The following DYSF variants were observed in gnomAD, a reference collection of about 807,000 sequenced individuals.
DYSF encodes the protein dysferlin.
In DYSF, 212 loss-of-function variants were observed where a neutral mutation model predicts 274.9. The observed-to-expected ratio is 0.77, with a 90% CI of 0.69 to 0.86. DYSF has a LOEUF of 0.86. DYSF is among the 40% of genes least tolerant of loss of function. The pLI is 0.00. For synonymous variants in DYSF, 1,091 were observed against 1,078.7 expected, an observed-to-expected ratio of 1.01 and a Z score of -0.22; for missense variants, 2,666 against 2,783.2, an observed-to-expected ratio of 0.96 and a Z score of 0.95.
At chr2:71,526,408 G>GT in intron 13 of DYSF, 62 bp downstream of exon 13, 1 of 1,530,228 alleles carries the variant, frequency 6.5e-7, no homozygotes, top group Admixed American at 1.8e-5. Flanking sequence ...GGGCTGGTGG[G>GT]GGTGGGCGAT....
At position 71,564,210 on chromosome 2, in the gene DYSF, G is replaced by C. The variant is rs763143515; in HGVS notation, c.2562G>C (p.Leu854=). 4 of 1,614,270 alleles carry C rather than the reference G, an allele frequency of 2.5e-6. No homozygotes were observed. In the Admixed American group the frequency reaches 6.7e-5, roughly 27 times the overall value. The change falls in exon 24 of 56, where the codon CTG becomes CTC. Residue 854 remains leucine, a synonymous_variant. Transcript: ENST00000410020. ...KNCGKLQTIF[L]KYPMEKVPGA... is the part of the protein sequence containing the mutation. ...GTGGGAAGCTACAGACAATCTTTCT[G>C]AAAGTGAGTTTTCTTTTTTCCCAAG... is the stretch of plus-strand genomic sequence containing the variant.
chr2:71,532,323 G>T (rs1045449141), intron 14 of DYSF, among the ~76,000 whole-genome samples: 1 of 152,152 alleles, frequency 6.6e-6, no homozygotes, highest in African/African-American at 2.4e-5. Context: ...AAGCCAGGGG[G>T]CTTATTTTTA....
intron 1 of DYSF, among the ~76,000 whole-genome samples, chr2:71,455,101 G>A (rs561037788): frequency 6.6e-6 from 1 of 152,286 alleles, no homozygotes; most frequent in Admixed American, 6.5e-5. Flanking sequence ...ATTCAGCACA[G>A]TTTCACAAGC....
intron 30 of DYSF, among the ~76,000 whole-genome samples, chr2:71,585,061 C>T (rs182578420): frequency 3.3e-5 from 5 of 152,340 alleles, no homozygotes; most frequent in Non-Finnish European, 5.9e-5. Context: ...CTCTACAGGG[C>T]ACAGTTTCCC....
chr2:71,512,323 C>T (rs1216639480), intron 5 of DYSF, among the ~76,000 whole-genome samples: 3 of 152,214 alleles, frequency 2.0e-5, no homozygotes, highest in East Asian at 1.9e-4. Flanking sequence ...ACCTCAGCAC[C>T]CAGCAGGCCT....
chr2:71,678,551 T>G (rs2095255256), intron 52 of DYSF, among the ~76,000 whole-genome samples: 1 of 152,138 alleles, frequency 6.6e-6, no homozygotes, highest in Non-Finnish European at 1.5e-5. Context: ...GGGGAGTTAT[T>G]GCTTAATGGG....
chr2:71,628,641 A>T (rs1049999588), intron 41 of DYSF, among the ~76,000 whole-genome samples: 14 of 152,144 alleles, frequency 9.2e-5, no homozygotes, highest in Non-Finnish European at 1.3e-4. Flanking sequence ...ACTTAAAAAA[A>T]TTTTATTTTA....
chr2:71,550,433 T>A (rs1450444942), intron 17 of DYSF, among the ~76,000 whole-genome samples: 1 of 151,664 alleles, frequency 6.6e-6, no homozygotes. Flanking sequence ...GAGGAGATTC[T>A]GGGATAAGGC....
rs762970358 is a variant in DYSF, at chr2:71,620,576, C to T, written c.4494C>T (p.Pro1498=). 6.4e-6 allele frequency: 10 copies of T among 1,551,474 alleles called. No homozygotes were observed. The African/African-American group carries it at 9.6e-5, about 15-fold the overall frequency. The change falls in exon 41 of 56, where the codon CCC becomes CCT. Residue 1498 remains proline (P), a synonymous_variant. Coordinates refer to ENST00000410020, the MANE Select transcript of DYSF (RefSeq NM_001130987.2). ...CAGACGGTCTGTCGAGCTTGGCCCC[C>T]ACTAACACGGCTTCTCCTCCATCCA... is the stretch of plus-strand genomic sequence containing the variant. ...QLADGLSSLA[P]TNTASPPSSP...
intron 30 of DYSF, among the ~76,000 whole-genome samples, chr2:71,577,604 A>G (rs537957343): frequency 6.6e-6 from 1 of 151,632 alleles, no homozygotes; most frequent in African/African-American, 2.4e-5. Flanking sequence ...ACCAACACAT[A>G]GACACACACA....
At chr2:71,616,311 G>A (rs1020660210) in intron 40 of DYSF, among the ~76,000 whole-genome samples, 1 of 152,152 alleles carries the variant, frequency 6.6e-6, no homozygotes, top group Non-Finnish European at 1.5e-5. Flanking sequence ...GCCCTGTTTA[G>A]GGGGTGCCTG....
At chr2:71,506,955 T>C (rs1350340237) in intron 4 of DYSF, among the ~76,000 whole-genome samples, 2 of 152,076 alleles carry the variant, frequency 1.3e-5, no homozygotes, top group East Asian at 1.9e-4. Context: ...ACCCGGATGG[T>C]GCCAGTTCTT....
In DYSF at chr2:71,630,313, A is replaced by C. The variant is rs534530509; in HGVS notation, c.4527+9704A>C. The stretch of plus-strand genomic sequence containing the variant: ...ATGTGGGGCTATTCTTCTGGGCTGA[A>C]GAGTTTATTTCCTATGTTTGTTATG... On this transcript the variant is annotated intron_variant, in intron 41 of 55. Coordinates refer to ENST00000410020, the MANE Select transcript of DYSF (RefSeq NM_001130987.2). 3.3e-5 allele frequency among the ~76,000 whole-genome samples: 5 copies of C among 152,344 alleles called. No homozygotes were observed. In the East Asian group the frequency reaches 9.7e-4, roughly 29 times the overall value.
chr2:71,652,792 A>G (rs942746108), intron 42 of DYSF, among the ~76,000 whole-genome samples: 1 of 152,240 alleles, frequency 6.6e-6, no homozygotes, highest in African/African-American at 2.4e-5. Flanking sequence ...GAAAAAACGC[A>G]CAGATCAATA....
chr2:71,619,839 G>C (rs530214113), intron 40 of DYSF, among the ~76,000 whole-genome samples: 1 of 152,234 alleles, frequency 6.6e-6, no homozygotes, highest in Non-Finnish European at 1.5e-5. Context: ...AAGTCTTCCT[G>C]CCTTCAGCCC....
intron 3 of DYSF, among the ~76,000 whole-genome samples, chr2:71,494,418 C>T (rs1343099604): frequency 1.3e-5 from 2 of 152,210 alleles, no homozygotes; most frequent in African/African-American, 4.8e-5. Flanking sequence ...TTTTCTCCCC[C>T]TTGAAGTTTG....
intron 1 of DYSF, among the ~76,000 whole-genome samples, chr2:71,477,941 A>T (rs2082526930): frequency 6.6e-6 from 1 of 152,136 alleles, no homozygotes; most frequent in African/African-American, 2.4e-5. Context: ...GAGTCTCAGC[A>T]GTTTGAATGC....
rs1386290894 is a variant in DYSF, at chr2:71,517,002, G to A, written c.965G>A (p.Arg322His). Residue 322 changes from arginine (R) to histidine (H), a missense_variant, in exon 10 of 56, where the codon CGT (arginine) becomes CAT (histidine). Physicochemically the swap from Arg to His is conservative, Grantham distance 29. Coordinates refer to ENST00000410020, the MANE Select transcript of DYSF (RefSeq NM_001130987.2). ...EPIFITVVDS[R>H]SLRTDALLGE... ...CTTTCTCTGCAGGTGGTAGACTCTC[G>A]TTCTCTCAGGACAGATGCTCTCCTC... is the stretch of plus-strand genomic sequence containing the variant. The A allele has an allele frequency of 3.1e-6, 5 of 1,614,014 alleles. No individual in the cohort carries two copies. Among genetic ancestry groups the A allele is most frequent in the African/African-American group, 1.3e-5 (1 of 74,912 alleles).
At chr2:71,661,295 A>T (rs2094877355) in intron 45 of DYSF, among the ~76,000 whole-genome samples, 1 of 152,050 alleles carries the variant, frequency 6.6e-6, no homozygotes, top group South Asian at 2.1e-4. Context: ...CCCCACTGGT[A>T]ACCCCTTACT....
Sources: allele counts gnomAD v4.1 joint callset (sites outside exome capture counted in the v4.1 genomes callset), GRCh38; gene constraint gnomAD v4.1.1; transcripts MANE v1.5; gene names NCBI Gene and HGNC (gene_info 2026-07-23, HGNC 2026-07-21).